Variants in TMEM87A observed in about 807,000 individuals in gnomAD.
TMEM87A encodes the protein Golgi-pH regulating cation channel.
A neutral mutation model predicts 90.0 loss-of-function variants in TMEM87A; 50 were observed. The observed-to-expected ratio is 0.56, with a 90% confidence interval of 0.44 to 0.70. The LOEUF is 0.70. Ranked by LOEUF, TMEM87A falls within the 30% of genes least tolerant of loss-of-function variation. The pLI is 0.00. For synonymous variants in TMEM87A, 226 were observed against 226.7 expected (o/e 1.00, Z 0.03); for missense variants, 577 against 660.5 (o/e 0.87, Z 1.39).
intron 14 of TMEM87A, 41 bp downstream of exon 14, chr15:42,227,670 T>G: frequency 6.4e-7 from 1 of 1,570,618 alleles, no homozygotes; most frequent in Admixed American, 1.7e-5. Flanking sequence ...ATCAGTTGTT[T>G]ATAAGACAGT....
At position 42,264,175 on chromosome 15, in the gene TMEM87A, T is replaced by A. The variant is rs1391078615; in HGVS notation, c.320A>T (p.Lys107Ile). ...KAEEVELYLE[K>I]LKEKRGLSGK... ...AGACAAGCCTCTTTTTTCCTTAAGTTTTTCCAAATACAACTCTACTTCTTC... is the reference window on the plus strand; with the variant it reads ...AGACAAGCCTCTTTTTTCCTTAAGTATTTCCAAATACAACTCTACTTCTTC... The change falls in exon 4 of 20, where the codon AAA (lysine) becomes ATA (isoleucine). Residue 107 changes from lysine to isoleucine, a missense_variant. Lys to Ile is a moderately radical substitution (Grantham distance 102). Transcript: ENST00000389834. The A allele has an allele frequency of 5.6e-6, 9 of 1,613,748 alleles. No individual in the cohort carries two copies. Among genetic ancestry groups the A allele is most frequent in the Non-Finnish European group, 7.6e-6 (9 of 1,179,838 alleles).
chr15:42,241,428 T>C (rs1338548553), intron 7 of TMEM87A, among the ~76,000 whole-genome samples: 1 of 152,132 alleles, frequency 6.6e-6, no homozygotes, highest in Admixed American at 6.5e-5. Context: ...ACAAAACAGC[T>C]GTGAAAATGT....
intron 19 of TMEM87A, among the ~76,000 whole-genome samples, chr15:42,217,553 A>G (rs2140912041): frequency 1.3e-5 from 2 of 152,340 alleles, no homozygotes; most frequent in Admixed American, 6.5e-5. Context: ...ACCCAATTTA[A>G]ACAAAAACAT....
rs567867872 is a variant in TMEM87A at position 42,237,791 on chromosome 15, G to A, written c.685-176C>T. ...AATCCTCCCATCTCTGCCTCCCAAA[G>A]TGTTGGGATTACAGGCATAAGCCAC... On this transcript the variant is annotated intron_variant, in intron 8 of 19. Coordinates refer to ENST00000389834, the MANE Select transcript of TMEM87A (RefSeq NM_015497.5). Among the ~76,000 whole-genome samples, 225 of 151,666 alleles carry A rather than the reference G, an allele frequency of 1.5e-3. 1 individual carries two copies. Among genetic ancestry groups the A allele is most frequent in the Middle Eastern group, 3.4e-3 (1 of 294 alleles).
chr15:42,250,035 C>CT, intron 6 of TMEM87A, among the ~76,000 whole-genome samples: 1 of 152,100 alleles, frequency 6.6e-6, no homozygotes, highest in South Asian at 2.1e-4. Context: ...GGCCTTGTCT[C>CT]TTTTGATCTT....
chr15:42,243,447 G>T (rs1411335632), intron 7 of TMEM87A, among the ~76,000 whole-genome samples: 1 of 151,128 alleles, frequency 6.6e-6, no homozygotes, highest in Non-Finnish European at 1.5e-5. Context: ...CTATGAACTA[G>T]GCAGCAACCT....
At chr15:42,228,148 G>A (rs918695977) in intron 13 of TMEM87A, among the ~76,000 whole-genome samples, 1 of 151,828 alleles carries the variant, frequency 6.6e-6, no homozygotes, top group South Asian at 2.1e-4. Flanking sequence ...TTCTTTGGCT[G>A]GTCAGATGAA....
Position 42,228,707 on chromosome 15 carries a change from C to T in TMEM87A, c.1240+5G>A. 6.2e-7 allele frequency: 1 copy of T among 1,612,586 alleles called. No individual in the cohort carries two copies. Among genetic ancestry groups the T allele is most frequent in the East Asian group, 2.2e-5 (1 of 44,852 alleles). ...TGAACTCCAAGAAGAAAGTCCCAGACTTACCTGCCACTGCCAAAATAAGCG... is the reference window on the plus strand; with the variant it reads ...TGAACTCCAAGAAGAAAGTCCCAGATTTACCTGCCACTGCCAAAATAAGCG... On this transcript the variant is annotated splice_donor_5th_base_variant and intron_variant, in intron 13 of 19. Coordinates refer to ENST00000389834, the MANE Select transcript of TMEM87A (RefSeq NM_015497.5).
chr15:42,265,295 A>G (rs2051380852), intron 3 of TMEM87A, among the ~76,000 whole-genome samples: 1 of 152,180 alleles, frequency 6.6e-6, no homozygotes, highest in African/African-American at 2.4e-5. Context: ...AGTGCTTTCC[A>G]CAGTGGTTGA....
intron 6 of TMEM87A, among the ~76,000 whole-genome samples, chr15:42,246,864 GC>G (rs1351235596): frequency 6.6e-6 from 1 of 152,154 alleles, no homozygotes; most frequent in Non-Finnish European, 1.5e-5. Context: ...TTGAGGAATT[GC>G]CATACTGTCT....
chr15:42,262,707 G>A (rs1158201694), intron 4 of TMEM87A, among the ~76,000 whole-genome samples: 6 of 152,090 alleles, frequency 3.9e-5, no homozygotes, highest in East Asian at 3.9e-4. Flanking sequence ...CTGAGCCACC[G>A]CATCTGGCCT....
Position 42,265,713 on chromosome 15 carries a change from T to C in TMEM87A, c.292-1510A>G, listed in dbSNP as rs532921323. 1.4e-4 allele frequency among the ~76,000 whole-genome samples: 21 copies of C among 152,318 alleles called. No individual in the cohort carries two copies. The South Asian group carries it at 3.5e-3, about 26-fold the overall frequency. On this transcript the variant is annotated intron_variant, in intron 3 of 19. Transcript: ENST00000389834. ...AGCTCTTAAACTTAATTAGATCCCA[T>C]TTGTCAATTTTTGCTTTTGTTGCAA...
chr15:42,233,022 C>A, intron 11 of TMEM87A, 191 bp downstream of exon 11: 1 of 361,652 alleles, frequency 2.8e-6, no homozygotes, highest in East Asian at 4.4e-5. Context: ...TTCATTCGGG[C>A]ACACACTAAA....
chr15:42,265,477 T>C (rs2051384404), intron 3 of TMEM87A, among the ~76,000 whole-genome samples: 1 of 152,222 alleles, frequency 6.6e-6, no homozygotes, highest in South Asian at 2.1e-4. Flanking sequence ...CTTTTTTTTT[T>C]TCATATGCTT....
intron 14 of TMEM87A, 31 bp from the exon 15 acceptor site, chr15:42,226,940 T>C (rs773002976): frequency 7.0e-6 from 11 of 1,577,612 alleles, no homozygotes; most frequent in Non-Finnish European, 9.6e-6. Context: ...ACAACATTTA[T>C]ACACATTATC....
chr15:42,262,572 C>T (rs1257130683), intron 4 of TMEM87A, among the ~76,000 whole-genome samples: 1 of 151,886 alleles, frequency 6.6e-6, no homozygotes, highest in Admixed American at 6.6e-5. Context: ...TACAGGTACC[C>T]GCCACCATGC....
At chr15:42,272,848 G>C in intron 1 of TMEM87A, 1 of 437,918 alleles carries the variant, frequency 2.3e-6, no homozygotes, top group Non-Finnish European at 4.5e-6. Flanking sequence ...AAGAAGTGCA[G>C]AGGAAGAAAA....
At chr15:42,258,210 A>C in intron 6 of TMEM87A, 1 of 949,998 alleles carries the variant, frequency 1.1e-6, no homozygotes, top group East Asian at 1.2e-4. Context: ...CGACATGTCC[A>C]TGTTATATTG....
At chr15:42,228,630 G>GC (rs1253589102) in intron 13 of TMEM87A, 82 bp downstream of exon 13, 4 of 1,135,606 alleles carry the variant, frequency 3.5e-6, no homozygotes, top group Non-Finnish European at 4.0e-6. Context: ...AACTTTCTAT[G>GC]TCCACCCATG....
Sources: allele counts gnomAD v4.1 joint callset (sites outside exome capture counted in the v4.1 genomes callset), GRCh38; gene constraint gnomAD v4.1.1; transcripts MANE v1.5; gene names NCBI Gene and HGNC (gene_info 2026-07-23, HGNC 2026-07-21).